Variants in KYAT1 observed in about 807,000 individuals in gnomAD.
KYAT1 encodes kynurenine aminotransferase 1, also known as kynurenine--oxoglutarate transaminase 1.
KYAT1 carries 47 observed loss-of-function variants against 52.4 expected under a neutral mutation model. The observed-to-expected ratio is 0.90, with a 90% confidence interval of 0.71 to 1.14. KYAT1 has a LOEUF of 1.14. KYAT1 is among the 50% of genes most tolerant of loss of function. KYAT1 has a pLI of 0.00. For missense variants in KYAT1, 480 were observed against 557.9 expected, an observed-to-expected ratio of 0.86 and a Z score of 1.41; for synonymous variants, 212 against 209.6, an observed-to-expected ratio of 1.01 and a Z score of -0.10.
At chr9:128,839,709 T>A (rs1831794549) in intron 3 of KYAT1, among the ~76,000 whole-genome samples, 1 of 152,194 alleles carries the variant, frequency 6.6e-6, no homozygotes, top group Non-Finnish European at 1.5e-5. Context: ...CTCAACTCAG[T>A]AACTCACTAA....
intron 2 of KYAT1, among the ~76,000 whole-genome samples, chr9:128,843,201 C>T (rs1187558246): frequency 6.6e-6 from 1 of 152,006 alleles, no homozygotes; most frequent in East Asian, 1.9e-4. Flanking sequence ...AAAACACACA[C>T]ATACACACAC....
At chr9:128,838,781 C>T (rs576966403) in intron 3 of KYAT1, among the ~76,000 whole-genome samples, 2 of 152,092 alleles carry the variant, frequency 1.3e-5, no homozygotes, top group Non-Finnish European at 2.9e-5. Flanking sequence ...AAGCCCAGGG[C>T]GGGGATTTAG....
intron 1 of KYAT1, among the ~76,000 whole-genome samples, chr9:128,858,312 G>A (rs1037851495): frequency 1.4e-5 from 2 of 142,744 alleles, no homozygotes; most frequent in East Asian, 4.3e-4. Flanking sequence ...TACGAGAATC[G>A]CTTGAGCTCA....
chr9:128,876,441 A>G (rs544482778), intron 1 of KYAT1, among the ~76,000 whole-genome samples: 52 of 143,166 alleles, frequency 3.6e-4, no homozygotes, highest in Middle Eastern at 3.5e-3. Context: ...TTTTTGAGAC[A>G]GAGTCTGGCT....
At position 128,833,460 on chromosome 9, in the gene KYAT1, A is replaced by G; in HGVS notation, c.*124T>C. On this transcript the variant is annotated 3_prime_UTR_variant, in exon 13 of 13. Coordinates refer to ENST00000302586, the MANE Select transcript of KYAT1 (RefSeq NM_004059.5). ...CCACCCAGAACATTCTGTGTCACGG[A>G]GAAGAGGTTTCCCAATAGCATCTTC... 1 of 970,102 alleles carries G rather than the reference A, an allele frequency of 1.0e-6. No homozygotes were observed. Among genetic ancestry groups the G allele is most frequent in the Non-Finnish European group, 1.6e-6 (1 of 621,312 alleles). 60.1% of individuals were successfully genotyped at this position (970,102 alleles called of 1,614,324 possible). A position where few individuals can be genotyped will look rare whatever the true frequency, so the allele number is the denominator to read the frequency against.
At chr9:128,881,420 G>A (rs563290263) in intron 1 of KYAT1, among the ~76,000 whole-genome samples, 2 of 152,206 alleles carry the variant, frequency 1.3e-5, no homozygotes, top group South Asian at 2.1e-4. Context: ...TTAACCTAAG[G>A]TATCTTAGAA....
chr9:128,841,644 C>T lies in KYAT1; in HGVS notation c.201+1010G>A, dbSNP rs1188785670. Among the ~76,000 whole-genome samples the T allele has an allele frequency of 3.4e-5, 5 of 145,674 alleles. No homozygotes were observed. The East Asian group carries it at 8.2e-4, about 24-fold the overall frequency. On this transcript the variant is annotated intron_variant, in intron 3 of 12. Coordinates refer to ENST00000302586, the MANE Select transcript of KYAT1 (RefSeq NM_004059.5). Reference sequence around the variant, plus strand: ...CTGGGAGGGGGAGGTTGCAGTGAGCCGAGATTGCGCCCCTGCACTCCAGCC... The same window carrying T: ...CTGGGAGGGGGAGGTTGCAGTGAGCTGAGATTGCGCCCCTGCACTCCAGCC...
rs1200351048 is a variant in KYAT1 at position 128,835,836 on chromosome 9, C to T, written c.798G>A (p.Met266Ile). Residue 266 changes from methionine to isoleucine, a missense_variant, in exon 9 of 13, where the codon ATG (methionine) becomes ATA (isoleucine). Transcript: ENST00000302586. ...VGWVLGPDHIMKHLRTVHQNS... is the reference protein window; with the variant it reads ...VGWVLGPDHIIKHLRTVHQNS... ...TCTGGTGCACGGTCCGCAGGTGCTT[C>T]ATGATGTGATCTGGACCCAGGACCC... The T allele has an allele frequency of 2.5e-6, 4 of 1,613,952 alleles. No individual in the cohort carries two copies. Among genetic ancestry groups the T allele is most frequent in the Non-Finnish European group, 3.4e-6 (4 of 1,179,964 alleles).
At chr9:128,834,151 G>C (rs1830588990) in intron 11 of KYAT1, among the ~76,000 whole-genome samples, 1 of 152,164 alleles carries the variant, frequency 6.6e-6, no homozygotes, top group Non-Finnish European at 1.5e-5. Flanking sequence ...CCAGCTACTT[G>C]GGAGGCTGAG....
chr9:128,843,491 G>A (rs1450650145), intron 2 of KYAT1, among the ~76,000 whole-genome samples: 1 of 151,434 alleles, frequency 6.6e-6, no homozygotes, highest in East Asian at 1.9e-4. Context: ...CGATTCTCAT[G>A]CCTCAGCCTC....
intron 3 of KYAT1, 69 bp downstream of exon 3, chr9:128,842,585 G>T: frequency 6.7e-7 from 1 of 1,493,808 alleles, no homozygotes; most frequent in Admixed American, 1.8e-5. Context: ...ACAGCTGTGT[G>T]GGCTTGAAGT....
At chr9:128,836,246 C>CTTCA (rs1831080891) in intron 7 of KYAT1, 173 bp from the exon 8 acceptor site, 2 of 504,664 alleles carry the variant, frequency 4.0e-6, no homozygotes, top group Non-Finnish European at 3.5e-6. Context: ...TCCTTCCTTC[C>CTTCA]TTCTTTCTCT....
intron 6 of KYAT1, among the ~76,000 whole-genome samples, chr9:128,837,154 C>A (rs1184402916): frequency 2.0e-5 from 3 of 152,140 alleles, no homozygotes; most frequent in Non-Finnish European, 4.4e-5. Context: ...ATTAGCTGGG[C>A]ATGGTGGCGG....
rs67073521 is a variant in KYAT1, at chr9:128,858,395, T to TTAAAA, written c.-6-12985_-6-12984insTTTTA. 1.5e-3 allele frequency among the ~76,000 whole-genome samples: 100 copies of TTAAAA among 65,104 alleles called. 44 individuals are homozygous for TTAAAA. The highest frequency in any genetic ancestry group is 2.1e-3 in the East Asian group (4 of 1,874). 42.7% of individuals were successfully genotyped at this position (65,104 alleles called of 152,430 possible). On this transcript the variant is annotated intron_variant, in intron 1 of 12. Coordinates refer to ENST00000302586, the MANE Select transcript of KYAT1 (RefSeq NM_004059.5). ...CTGGGCAACAGAGTGAGACCATGTA[T>TTAAAA]AAAAAAAAAAAAAAAAAAAAGCCCG... is the stretch of plus-strand genomic sequence containing the variant.
chr9:128,879,278 C>G (rs1838471994), intron 1 of KYAT1, among the ~76,000 whole-genome samples: 1 of 151,938 alleles, frequency 6.6e-6, no homozygotes, highest in Non-Finnish European at 1.5e-5. Flanking sequence ...CCACTGCACT[C>G]CAGCCTGGGC....
chr9:128,837,655 G>A lies in KYAT1; in HGVS notation c.567+30C>T, dbSNP rs374652459. The A allele has an allele frequency of 1.9e-4, 300 of 1,613,020 alleles. No homozygotes were observed. The African/African-American group carries it at 3.8e-3, about 20-fold the overall frequency. The stretch of plus-strand genomic sequence containing the variant: ...TGCAGGAGACATGACCAGGTCCGCA[G>A]GGGGCCAGGGAAGGAGGTCCCTCCA... On this transcript the variant is annotated intron_variant, in intron 6 of 12. Transcript: ENST00000302586.
intron 2 of KYAT1, among the ~76,000 whole-genome samples, chr9:128,845,043 T>C (rs970902964): frequency 6.6e-6 from 1 of 152,170 alleles, no homozygotes; most frequent in African/African-American, 2.4e-5. Flanking sequence ...CTGGGTAGAA[T>C]GGCTTTGGAC....
At chr9:128,874,844 C>A (rs1482262999) in intron 1 of KYAT1, among the ~76,000 whole-genome samples, 2 of 151,646 alleles carry the variant, frequency 1.3e-5, no homozygotes, top group Non-Finnish European at 2.9e-5. Context: ...CCTGCCTCAG[C>A]CTCCTGAGTA....
At chr9:128,838,430 A>T in intron 3 of KYAT1, 63 bp from the exon 4 acceptor site, 1 of 1,600,336 alleles carries the variant, frequency 6.2e-7, no homozygotes, top group Non-Finnish European at 8.5e-7. Context: ...GCCCAGCTGT[A>T]TCCAGGCAAT....
Sources: allele counts gnomAD v4.1 joint callset (sites outside exome capture counted in the v4.1 genomes callset), GRCh38; gene constraint gnomAD v4.1.1; transcripts MANE v1.5; gene names NCBI Gene and HGNC (gene_info 2026-07-23, HGNC 2026-07-21).